The following MAPK3 variants were observed in gnomAD, a reference collection of about 807,000 sequenced individuals.
The protein encoded by MAPK3 is MAPK 1.
A neutral mutation model predicts 41.8 loss-of-function variants in MAPK3; 30 were observed. That is an observed-to-expected ratio of 0.72 (90% CI 0.54 to 0.97). MAPK3 has a LOEUF of 0.97. Ranked by LOEUF, MAPK3 falls within the 50% of genes least tolerant of loss-of-function variation. MAPK3 has a pLI of 0.00. For synonymous variants in MAPK3, 222 were observed against 213.4 expected (o/e 1.04, Z -0.35); for missense variants, 413 against 509.9 (o/e 0.81, Z 1.83).
At chr16:30,114,981 T>C (rs2072940814) in intron 8 of MAPK3, among the ~76,000 whole-genome samples, 1 of 151,114 alleles carries the variant, frequency 6.6e-6, no homozygotes, top group South Asian at 2.1e-4. Context: ...CTCACGCCTA[T>C]AATCCCAGCA....
chr16:30,117,059 C>G, intron 6 of MAPK3, 56 bp from the exon 7 acceptor site: 2 of 1,595,880 alleles, frequency 1.3e-6, no homozygotes, highest in Non-Finnish European at 1.7e-6. Context: ...CTCCGAGAAG[C>G]ATTGCTTTGC....
chr16:30,116,930 G>A lies in MAPK3; in HGVS notation c.981C>T (p.His327=). The A allele has an allele frequency of 6.2e-7, 1 of 1,613,882 alleles. No individual in the cohort carries two copies. ...KRITVEEALA[H]PYLEQYYDPT... Reference sequence around the variant, plus strand: ...GGTCATAGTACTGCTCCAGGTAGGGGTGAGCCAGCGCTTCCTCCACTGTGA... The same window carrying A: ...GGTCATAGTACTGCTCCAGGTAGGGATGAGCCAGCGCTTCCTCCACTGTGA... The change falls in exon 7 of 9, where the codon CAC becomes CAT. Residue 327 remains histidine, a synonymous_variant. Coordinates refer to ENST00000263025, the MANE Select transcript of MAPK3 (RefSeq NM_002746.3).
At position 30,117,209 on chromosome 16, in the gene MAPK3, C is replaced by T; in HGVS notation, c.852G>A (p.Leu284=). The change falls in exon 6 of 9, where the codon CTG becomes CTA. Residue 284 remains leucine (L), a synonymous_variant. Transcript: ENST00000263025. ...NMKARNYLQS[L]PSKTKVAWAK... ...CCCAAGCCACCTTGGTCTTGGAGGG[C>T]AGAGACTGTAGGTAGTTTCGGGCCT... 2 of 1,614,132 alleles carry T rather than the reference C, an allele frequency of 1.2e-6. No individual in the cohort carries two copies. The highest frequency in any genetic ancestry group is 8.5e-7 in the Non-Finnish European group (1 of 1,180,018).
In MAPK3 at chr16:30,118,988, C is replaced by A. The variant is rs552287122; in HGVS notation, c.354-450G>T. On this transcript the variant is annotated intron_variant, in intron 2 of 8. Transcript: ENST00000263025. The stretch of plus-strand genomic sequence containing the variant: ...AAAACCCTGTCTCTACTAAAAATAG[C>A]AAAATTAACTGGGCACGGCGGCATG... Among the ~76,000 whole-genome samples the A allele has an allele frequency of 2.0e-5, 3 of 151,942 alleles. No individual in the cohort carries two copies. In the South Asian group the frequency reaches 6.2e-4, roughly 32 times the overall value.
At chr16:30,119,520 A>T (rs2151046519) in intron 2 of MAPK3, among the ~76,000 whole-genome samples, 1 of 152,292 alleles carries the variant, frequency 6.6e-6, no homozygotes, top group South Asian at 2.1e-4. Context: ...AGTGCTTGGC[A>T]AGTTGTGAGT....
Position 30,123,192 on chromosome 16 carries a change from A to AGCC in MAPK3, c.15_17dup (p.Ala6dup), listed in dbSNP as rs572866415. ...GGGGCTCCCCGCCCCCGCCCCCCTG[A>AGCC]GCCGCCGCCGCCGCCATCTCCACTC... On this transcript the variant is annotated inframe_insertion, in exon 1 of 9. Transcript: ENST00000263025. The AGCC allele has an allele frequency of 6.8e-4, 665 of 980,798 alleles. 2 individuals carry two copies. The highest frequency in any genetic ancestry group is 7.1e-4 in the African/African-American group (32 of 45,012). The allele number at this position is 980,798 out of a possible 1,614,324, so 60.8% of individuals were successfully genotyped here.
chr16:30,117,649 A>G (rs2072971031), intron 5 of MAPK3, 21 bp downstream of exon 5: 1 of 1,593,924 alleles, frequency 6.3e-7, no homozygotes, highest in African/African-American at 1.3e-5. Flanking sequence ...TCCCCAACTC[A>G]GCCAGCCGGG....
At chr16:30,119,220 T>C (rs2072992193) in intron 2 of MAPK3, among the ~76,000 whole-genome samples, 1 of 151,526 alleles carries the variant, frequency 6.6e-6, no homozygotes, top group Non-Finnish European at 1.5e-5. Context: ...ATGTCTGAAA[T>C]CTCCTCTCTA....
intron 2 of MAPK3, 55 bp downstream of exon 2, chr16:30,121,769 C>A: frequency 6.4e-7 from 1 of 1,557,380 alleles, no homozygotes; most frequent in Non-Finnish European, 8.8e-7. Context: ...CAACGGGTCC[C>A]CAGCCCAGCT....
intron 8 of MAPK3, 113 bp downstream of exon 8, chr16:30,116,523 G>A: frequency 8.4e-7 from 1 of 1,188,204 alleles, no homozygotes; most frequent in Non-Finnish European, 1.2e-6. Flanking sequence ...GACCATGGGT[G>A]TGGGGTAAGC....
intron 8 of MAPK3, 66 bp downstream of exon 8, chr16:30,116,570 A>T: frequency 6.7e-7 from 1 of 1,487,702 alleles, no homozygotes; most frequent in Non-Finnish European, 9.1e-7. Context: ...ATAGATATAG[A>T]TATAGATATA....
chr16:30,120,959 C>T (rs1448928757), intron 2 of MAPK3, among the ~76,000 whole-genome samples: 2 of 151,644 alleles, frequency 1.3e-5, no homozygotes. Context: ...GTTGGGACTA[C>T]AGATGTGAGC....
In MAPK3 at chr16:30,117,716, G is replaced by A. The variant is rs1410707400; in HGVS notation, c.729C>T (p.Pro243=). The change falls in exon 5 of 9, where the codon CCC becomes CCT. Residue 243 remains proline, a synonymous_variant. Coordinates refer to ENST00000263025, the MANE Select transcript of MAPK3 (RefSeq NM_002746.3). ...CILAEMLSNR[P]IFPGKHYLDQ... is the part of the protein sequence containing the mutation. ...CCAGGTAGTGCTTGCCAGGGAAGAT[G>A]GGCCGGTTAGAGAGCATCTCAGCCA... 6.2e-7 allele frequency: 1 copy of A among 1,614,126 alleles called. No homozygotes were observed. Among genetic ancestry groups the A allele is most frequent in the African/African-American group, 1.3e-5 (1 of 75,034 alleles).
Position 30,117,789 on chromosome 16 carries a change from G to A in MAPK3, c.661-5C>T. 1 of 1,607,874 alleles carries A rather than the reference G, an allele frequency of 6.2e-7. No individual in the cohort carries two copies. Among genetic ancestry groups the A allele is most frequent in the Non-Finnish European group, 8.5e-7 (1 of 1,174,424 alleles). ...GTCGATGGACTTGGTATAGCCCTGG[G>A]GGAGAGGAGGAAGTGGTGAGCTCCT... is the stretch of plus-strand genomic sequence containing the variant. On this transcript the variant is annotated splice_polypyrimidine_tract_variant and splice_region_variant and intron_variant, in intron 4 of 8. Coordinates refer to ENST00000263025, the MANE Select transcript of MAPK3 (RefSeq NM_002746.3).
chr16:30,120,504 G>A (rs1249046734), intron 2 of MAPK3, among the ~76,000 whole-genome samples: 1 of 152,074 alleles, frequency 6.6e-6, no homozygotes, highest in Non-Finnish European at 1.5e-5. Flanking sequence ...AGTATTGGGG[G>A]AGGACAGCCA....
At chr16:30,118,190 C>G (rs375114157) in intron 3 of MAPK3, 27 bp from the exon 4 acceptor site, 25 of 1,602,500 alleles carry the variant, frequency 1.6e-5, no homozygotes, top group Non-Finnish European at 2.1e-5. Context: ...CTGCTAAGCT[C>G]GGCGCTCAAG....
chr16:30,117,962 T>G, intron 4 of MAPK3, 85 bp downstream of exon 4: 1 of 1,282,354 alleles, frequency 7.8e-7, no homozygotes, highest in Non-Finnish European at 1.1e-6. Context: ...TCCTGTGTCA[T>G]GGGGGTCAGT....
chr16:30,117,538 C>G, intron 5 of MAPK3, 132 bp downstream of exon 5: 2 of 784,912 alleles, frequency 2.5e-6, no homozygotes, highest in South Asian at 3.1e-5. Context: ...GGGATAATAT[C>G]TATACCTCAT....
At chr16:30,121,798 A>T in intron 2 of MAPK3, 26 bp downstream of exon 2, 1 of 1,606,870 alleles carries the variant, frequency 6.2e-7, no homozygotes, top group South Asian at 1.1e-5. Flanking sequence ...GTGCCTGACC[A>T]GCCGACTGGC....
Sources: allele counts gnomAD v4.1 joint callset (sites outside exome capture counted in the v4.1 genomes callset), GRCh38; gene constraint gnomAD v4.1.1; transcripts MANE v1.5; gene names NCBI Gene and HGNC (gene_info 2026-07-23, HGNC 2026-07-21).